The following HEMK2 variants were observed in gnomAD, a reference collection of about 807,000 sequenced individuals.
HEMK2 encodes methyltransferase HEMK2.
At chr21:28,794,993 C>A in the HEMK2 span, among the ~76,000 whole-genome samples, 1 of 152,164 alleles carries the variant, frequency 6.6e-6, no homozygotes, top group African/African-American at 2.4e-5. Context: ...TAGGTTCTGC[C>A]ATTTTTCTGA....
chr21:28,823,478 T>C, the HEMK2 span, among the ~76,000 whole-genome samples: 4 of 152,230 alleles, frequency 2.6e-5, no homozygotes, highest in Non-Finnish European at 5.9e-5. Flanking sequence ...TGGTGCTTTT[T>C]GTTGTTGTTG....
chr21:28,618,135 A>T, the HEMK2 span, among the ~76,000 whole-genome samples: 1 of 152,316 alleles, frequency 6.6e-6, no homozygotes, highest in East Asian at 1.9e-4. Flanking sequence ...CAGAATCAAG[A>T]GCTATCAAAA....
At chr21:28,695,276 G>A in the HEMK2 span, among the ~76,000 whole-genome samples, 200 of 152,252 alleles carry the variant, frequency 1.3e-3, no homozygotes, top group African/African-American at 4.6e-3. Context: ...CAAATCTCAT[G>A]TTGAAATCTG....
At chr21:28,689,039 A>T in the HEMK2 span, among the ~76,000 whole-genome samples, 1 of 152,188 alleles carries the variant, frequency 6.6e-6, no homozygotes, top group Non-Finnish European at 1.5e-5. Context: ...TTGTACAGGG[A>T]GAGTCTGCCC....
the HEMK2 span, among the ~76,000 whole-genome samples, chr21:28,787,625 G>C: frequency 2.0e-5 from 3 of 152,128 alleles, no homozygotes; most frequent in South Asian, 6.2e-4. Context: ...CGTTACTAAT[G>C]ATCATGGAAA....
the HEMK2 span, among the ~76,000 whole-genome samples, chr21:28,675,176 C>T: frequency 6.6e-6 from 1 of 152,178 alleles, no homozygotes; most frequent in Non-Finnish European, 1.5e-5. Context: ...CTTCCTCATA[C>T]AAGATAGAAC....
chr21:28,700,606 A>C, the HEMK2 span, among the ~76,000 whole-genome samples: 1 of 152,270 alleles, frequency 6.6e-6, no homozygotes, highest in Non-Finnish European at 1.5e-5. Flanking sequence ...AAATAAACTG[A>C]ATCTCTGAAC....
chr21:28,699,052 A>G, the HEMK2 span, among the ~76,000 whole-genome samples: 7 of 152,084 alleles, frequency 4.6e-5, no homozygotes, highest in African/African-American at 1.7e-4. Flanking sequence ...TCCTAATATT[A>G]TTTCATATTT....
the HEMK2 span, among the ~76,000 whole-genome samples, chr21:28,822,928 T>C: frequency 3.3e-5 from 5 of 152,160 alleles, no homozygotes; most frequent in Non-Finnish European, 7.3e-5. Flanking sequence ...CTGACAACTG[T>C]AGTATGTTTG....
chr21:28,732,578 C>T, the HEMK2 span, among the ~76,000 whole-genome samples: 3 of 152,156 alleles, frequency 2.0e-5, no homozygotes, highest in Admixed American at 2.0e-4. Flanking sequence ...ATACTCTTCC[C>T]TCGCCCAGAA....
the HEMK2 span, among the ~76,000 whole-genome samples, chr21:28,741,954 T>C: frequency 1.3e-5 from 2 of 152,364 alleles, no homozygotes; most frequent in Non-Finnish European, 1.5e-5. Flanking sequence ...ATGGTATTTC[T>C]GTCTTTAGGT....
At chr21:28,788,279 TACACAC>T in the HEMK2 span, among the ~76,000 whole-genome samples, 52 of 147,156 alleles carry the variant, frequency 3.5e-4, no homozygotes, top group African/African-American at 1.0e-3. Context: ...CCATCATATA[TACACAC>T]ACACACACAC....
At chr21:28,649,676 A>G in the HEMK2 span, among the ~76,000 whole-genome samples, 12 of 152,158 alleles carry the variant, frequency 7.9e-5, no homozygotes, top group East Asian at 2.3e-3. Context: ...AGGCTTTTCA[A>G]AGGCGGTAAC....
the HEMK2 span, among the ~76,000 whole-genome samples, chr21:28,607,562 T>C: frequency 6.6e-6 from 1 of 152,232 alleles, no homozygotes; most frequent in South Asian, 2.1e-4. Context: ...CATGCAAATA[T>C]ATGACTCTAC....
At chr21:28,755,535 A>C in the HEMK2 span, among the ~76,000 whole-genome samples, 1 of 152,216 alleles carries the variant, frequency 6.6e-6, no homozygotes, top group East Asian at 1.9e-4. Context: ...TGTGATGTCT[A>C]TCTTCTGTGG....
At chr21:28,718,542 T>G in the HEMK2 span, among the ~76,000 whole-genome samples, 3 of 152,158 alleles carry the variant, frequency 2.0e-5, no homozygotes, top group African/African-American at 7.2e-5. Context: ...TAACTATTAC[T>G]GTGTGGCTAA....
the HEMK2 span, among the ~76,000 whole-genome samples, chr21:28,749,727 A>G: frequency 1.2e-4 from 19 of 152,348 alleles, no homozygotes; most frequent in Admixed American, 1.1e-3. Flanking sequence ...CAGGATGAGC[A>G]CTGCAATTGA....
chr21:28,779,867 A>G, the HEMK2 span, among the ~76,000 whole-genome samples: 1 of 151,934 alleles, frequency 6.6e-6, no homozygotes, highest in African/African-American at 2.4e-5. Context: ...GTTTATTGTA[A>G]GAATTTTCTT....
the HEMK2 span, among the ~76,000 whole-genome samples, chr21:28,804,847 T>C: frequency 1.3e-5 from 2 of 152,154 alleles, no homozygotes; most frequent in African/African-American, 4.8e-5. Context: ...ATTCATTGAG[T>C]GACAATTACA....
Sources: allele counts gnomAD v4.1 joint callset (sites outside exome capture counted in the v4.1 genomes callset), GRCh38; gene constraint gnomAD v4.1.1; transcripts MANE v1.5; gene names NCBI Gene and HGNC (gene_info 2026-07-23, HGNC 2026-07-21).